ARHGAP15: variants seen among roughly 807,000 people sequenced by gnomAD.
ARHGAP15 encodes rho GTPase-activating protein 15.
ARHGAP15 carries 51 observed loss-of-function variants against 63.7 expected under a neutral mutation model. That is an observed-to-expected ratio of 0.80 (90% confidence interval 0.64 to 1.01). The LOEUF is 1.01. ARHGAP15 is among the 50% of genes least tolerant of loss of function. ARHGAP15 has a pLI of 0.00. For synonymous variants in ARHGAP15, 191 were observed against 193.8 expected (o/e 0.99, Z 0.12); for missense variants, 560 against 564.6 (o/e 0.99, Z 0.08).
chr2:143,219,491 C>T (rs1692900403), intron 4 of ARHGAP15, among the ~76,000 whole-genome samples: 2 of 152,226 alleles, frequency 1.3e-5, no homozygotes, highest in African/African-American at 2.4e-5. Flanking sequence ...TTGCCTCTAA[C>T]TCCTTTCATT....
At chr2:143,315,260 C>A (rs1683647114) in intron 6 of ARHGAP15, among the ~76,000 whole-genome samples, 1 of 151,874 alleles carries the variant, frequency 6.6e-6, no homozygotes, top group African/African-American at 2.4e-5. Context: ...AAAATAGTTC[C>A]CTATACATAT....
At chr2:143,635,162 T>A (rs2105261259) in intron 12 of ARHGAP15, among the ~76,000 whole-genome samples, 1 of 140,194 alleles carries the variant, frequency 7.1e-6, no homozygotes, top group Non-Finnish European at 1.5e-5. Context: ...TTTAATTATC[T>A]CAAGAGAACT....
chr2:143,359,182 A>G (rs1360211100), intron 6 of ARHGAP15, among the ~76,000 whole-genome samples: 4 of 152,154 alleles, frequency 2.6e-5, no homozygotes. Flanking sequence ...TCTCCACTGA[A>G]TTTTTGAGTC....
At position 143,438,834 on chromosome 2, in the gene ARHGAP15, A is replaced by T. The variant is rs553434556; in HGVS notation, c.703+1792A>T. 2.0e-5 allele frequency among the ~76,000 whole-genome samples: 3 copies of T among 152,318 alleles called. No individual in the cohort carries two copies. The South Asian group carries it at 6.2e-4, about 32-fold the overall frequency. ...ATATAGACATTCTGTAGTACATATA[A>T]AAGAATATGTGATGCAATGACTAGT... On this transcript the variant is annotated intron_variant, in intron 8 of 13. Transcript: ENST00000295095.
Position 143,768,349 on chromosome 2 carries a change from A to G in ARHGAP15, c.*177A>G. The G allele has an allele frequency of 6.0e-6, 4 of 667,122 alleles. No homozygotes were observed. The South Asian group carries it at 8.0e-5, about 13-fold the overall frequency. The allele number at this position is 667,122 out of a possible 1,614,324, so 41.3% of individuals were successfully genotyped here. On this transcript the variant is annotated 3_prime_UTR_variant, in exon 14 of 14. Transcript: ENST00000295095. ...CAAACATTTGAATAAAATAATTGAC[A>G]ATATTTGCCTCTATGTGTTCTACAT...
chr2:143,730,892 TAAAAAAAAAA>T (rs1158246680), intron 13 of ARHGAP15, among the ~76,000 whole-genome samples: 10 of 84,052 alleles, frequency 1.2e-4, no homozygotes, highest in South Asian at 4.9e-4. Context: ...AGCACTCCTT[TAAAAAAAAAA>T]AAAAAAAAAA....
chr2:143,213,961 T>C (rs1384749900), intron 3 of ARHGAP15, among the ~76,000 whole-genome samples: 1 of 152,204 alleles, frequency 6.6e-6, no homozygotes, highest in Non-Finnish European at 1.5e-5. Flanking sequence ...TGGGGAAATG[T>C]TACTTATGTA....
intron 6 of ARHGAP15, among the ~76,000 whole-genome samples, chr2:143,409,158 G>C (rs1235401598): frequency 6.6e-6 from 1 of 151,870 alleles, no homozygotes; most frequent in Non-Finnish European, 1.5e-5. Flanking sequence ...TTTTATTATA[G>C]TTTCAGAGAA....
chr2:143,547,568 TAAA>T (rs10552945), intron 10 of ARHGAP15, among the ~76,000 whole-genome samples: 64 of 150,904 alleles, frequency 4.2e-4, no homozygotes, highest in Middle Eastern at 3.4e-3. Flanking sequence ...TCTCCAATTA[TAAA>T]AAAAAAAAAT....
At chr2:143,215,238 C>G (rs988861470) in intron 3 of ARHGAP15, among the ~76,000 whole-genome samples, 20 of 151,944 alleles carry the variant, frequency 1.3e-4, no homozygotes, top group Admixed American at 1.3e-3. Context: ...ATGGAAAGAC[C>G]CTCTAATAAA....
chr2:143,142,503 A>AAATCATT (rs1269539221), intron 1 of ARHGAP15, among the ~76,000 whole-genome samples: 2 of 152,146 alleles, frequency 1.3e-5, no homozygotes, highest in Non-Finnish European at 2.9e-5. Context: ...TTTTTAAAAA[A>AAATCATT]AATCATTAAA....
At chr2:143,214,111 C>G (rs574251114) in intron 3 of ARHGAP15, among the ~76,000 whole-genome samples, 1 of 152,180 alleles carries the variant, frequency 6.6e-6, no homozygotes, top group Non-Finnish European at 1.5e-5. Context: ...TTGTGGGTAG[C>G]AAATGTCTAC....
At chr2:143,618,670 G>A (rs1698535027) in intron 11 of ARHGAP15, among the ~76,000 whole-genome samples, 1 of 152,156 alleles carries the variant, frequency 6.6e-6, no homozygotes, top group African/African-American at 2.4e-5. Flanking sequence ...TCTTGACTTG[G>A]TTACTCTTCT....
At chr2:143,616,834 A>G in intron 11 of ARHGAP15, among the ~76,000 whole-genome samples, 1 of 152,228 alleles carries the variant, frequency 6.6e-6, no homozygotes, top group East Asian at 1.9e-4. Context: ...TTCATATTTA[A>G]AACCACTTTG....
chr2:143,389,490 C>G (rs960101845), intron 6 of ARHGAP15, among the ~76,000 whole-genome samples: 3 of 152,112 alleles, frequency 2.0e-5, no homozygotes, highest in African/African-American at 7.2e-5. Context: ...CAGCATTTTC[C>G]CCGGCAGGTT....
At chr2:143,747,854 A>C (rs143315528) in intron 13 of ARHGAP15, among the ~76,000 whole-genome samples, 1 of 152,178 alleles carries the variant, frequency 6.6e-6, no homozygotes, top group African/African-American at 2.4e-5. Flanking sequence ...TTTTTAACCA[A>C]CATATTTCTC....
At chr2:143,153,937 G>A (rs56063166) in intron 1 of ARHGAP15, among the ~76,000 whole-genome samples, 153 of 139,860 alleles carry the variant, frequency 1.1e-3, no homozygotes, top group African/African-American at 3.9e-3. Flanking sequence ...CTTTCACTCA[G>A]CGGAATAGAT....
chr2:143,571,567 A>G (rs1348797647), intron 11 of ARHGAP15, among the ~76,000 whole-genome samples: 1 of 152,198 alleles, frequency 6.6e-6, no homozygotes, highest in African/African-American at 2.4e-5. Context: ...CCTAACATCC[A>G]TGGGATTCTA....
chr2:143,528,637 T>C (rs150066250), intron 10 of ARHGAP15, among the ~76,000 whole-genome samples: 2,945 of 152,250 alleles, frequency 0.019, 46 homozygotes, highest in Non-Finnish European at 0.032. Context: ...AGACGTTGAA[T>C]ATACCAATGT....
Sources: gnomAD v4.1 joint callset for allele counts (sites outside exome capture counted in the v4.1 genomes callset) on GRCh38, gnomAD v4.1.1 for gene constraint, MANE v1.5 for transcripts, NCBI Gene and HGNC (gene_info 2026-07-23, HGNC 2026-07-21) for gene names.